The following UROC1 variants were observed in gnomAD, a reference collection of about 807,000 sequenced individuals.
UROC1 encodes the protein urocanate hydratase 1, also known as urocanate hydratase.
UROC1 carries 79 observed loss-of-function variants against 89.5 expected under a neutral mutation model. That is an observed-to-expected ratio of 0.88 (90% CI 0.74 to 1.06). The LOEUF is 1.06. UROC1 is among the 50% of genes least tolerant of loss of function. UROC1 has a pLI of 0.00. For missense variants in UROC1, 885 were observed against 907.8 expected, an observed-to-expected ratio of 0.97 and a Z score of 0.32; for synonymous variants, 361 against 354.8, an observed-to-expected ratio of 1.02 and a Z score of -0.20.
chr3:126,487,948 C>A (rs1050375924), intron 18 of UROC1, among the ~76,000 whole-genome samples: 1 of 152,190 alleles, frequency 6.6e-6, no homozygotes, highest in Non-Finnish European at 1.5e-5. Flanking sequence ...CTTGCAGAGC[C>A]TAAGAGGCCC....
chr3:126,507,705 G>A (rs760510397), intron 6 of UROC1, 37 bp downstream of exon 6: 5 of 1,607,704 alleles, frequency 3.1e-6, no homozygotes, highest in Admixed American at 1.7e-5. Context: ...TGGCTAACGG[G>A]GAAACACGGT....
Position 126,486,385 on chromosome 3 carries a change from T to C in UROC1, c.1790+1813A>G, listed in dbSNP as rs537556901. ...CAAGAACAAGAGCCTGGCTCTTGTC[T>C]TGATCTCTTGCACTCTGTGGCCCAG... On this transcript the variant is annotated intron_variant, in intron 18 of 19. Transcript: ENST00000290868. Among the ~76,000 whole-genome samples the C allele has an allele frequency of 5.8e-4, 88 of 152,372 alleles. 1 individual carries two copies. The South Asian group carries it at 0.017, about 30-fold the overall frequency.
At chr3:126,502,653 G>A (rs546806742) in intron 9 of UROC1, among the ~76,000 whole-genome samples, 14 of 151,638 alleles carry the variant, frequency 9.2e-5, no homozygotes, top group Non-Finnish European at 1.3e-4. Context: ...TGTGCACTCT[G>A]TGTGTGCCTG....
intron 8 of UROC1, among the ~76,000 whole-genome samples, 160 bp downstream of exon 8, chr3:126,505,541 A>T (rs1936033946): frequency 6.6e-6 from 1 of 151,120 alleles, no homozygotes; most frequent in Non-Finnish European, 1.5e-5. Context: ...GAACCCACCC[A>T]GTGAGGTCCA....
chr3:126,482,625 C>T lies in UROC1; in HGVS notation c.1891-140G>A, dbSNP rs573285207. 16 of 1,276,328 alleles carry T rather than the reference C, an allele frequency of 1.3e-5. No individual in the cohort carries two copies. The African/African-American group carries it at 1.8e-4, about 14-fold the overall frequency. The allele number at this position is 1,276,328 out of a possible 1,614,324, so 79.1% of individuals were successfully genotyped here. ...GACAGCTGCCCTTTTGTGTCTGCCC[C>T]ATTTCCACCCCCAGCTTAGGCTCCC... On this transcript the variant is annotated intron_variant, in intron 19 of 19. Coordinates refer to ENST00000290868, the MANE Select transcript of UROC1 (RefSeq NM_144639.3).
rs374748267 is a variant in UROC1, at chr3:126,504,101, G to A, written c.814-18C>T. 6.8e-6 allele frequency: 11 copies of A among 1,611,866 alleles called. No homozygotes were observed. Among genetic ancestry groups the A allele is most frequent in the Non-Finnish European group, 5.1e-6 (6 of 1,179,758 alleles). Reference sequence around the variant, plus strand: ...TTATCCACCTGGGGCCATGAGACATGGGGCCACGAGACATGGGGCCACCCG... The same window carrying A: ...TTATCCACCTGGGGCCATGAGACATAGGGCCACGAGACATGGGGCCACCCG... On this transcript the variant is annotated intron_variant, in intron 8 of 19. Transcript: ENST00000290868.
chr3:126,483,400 C>T lies in UROC1; in HGVS notation c.1859G>A (p.Arg620Lys). Reference protein sequence around the residue: ...DGTPEAEGRARLMLSWDVSNG... With the variant: ...DGTPEAEGRAKLMLSWDVSNG... Reference sequence around the variant, plus strand: ...GGAGACATCCCAGCTGAGCATCAGCCTGGCTCTCCCCTCGGCCTCCGGGGT... The same window carrying T: ...GGAGACATCCCAGCTGAGCATCAGCTTGGCTCTCCCCTCGGCCTCCGGGGT... Residue 620 changes from arginine to lysine, a missense_variant, in exon 19 of 20, where the codon AGG becomes AAG. Coordinates refer to ENST00000290868, the MANE Select transcript of UROC1 (RefSeq NM_144639.3). 1 of 1,613,680 alleles carries T rather than the reference C, an allele frequency of 6.2e-7. No individual in the cohort carries two copies.
chr3:126,492,432 A>C lies in UROC1; in HGVS notation c.1594T>G (p.Cys532Gly). Reference protein sequence around the residue: ...IAVAINQAIACRRIKAPVVLS... With the variant: ...IAVAINQAIAGRRIKAPVVLS... ...GGACACCTCACCTTGATCCTCCTGC[A>C]GGCGATGGCCTGGTTAATGGCCACA... Residue 532 changes from cysteine (C) to glycine (G), a missense_variant, in exon 16 of 20, where the codon TGC (cysteine) becomes GGC (glycine). Physicochemically the swap from Cys to Gly is radical, Grantham distance 159. Coordinates refer to ENST00000290868, the MANE Select transcript of UROC1 (RefSeq NM_144639.3). 1 of 1,613,676 alleles carries C rather than the reference A, an allele frequency of 6.2e-7. No homozygotes were observed. The highest frequency in any genetic ancestry group is 1.7e-5 in the Admixed American group (1 of 60,016).
chr3:126,501,732 G>A, intron 9 of UROC1: 1 of 1,537,576 alleles, frequency 6.5e-7, no homozygotes, highest in Non-Finnish European at 8.8e-7. Flanking sequence ...AGGTAGTAGA[G>A]ATATCAAAAA....
chr3:126,490,943 T>C (rs1375294798), intron 16 of UROC1, among the ~76,000 whole-genome samples: 1 of 152,194 alleles, frequency 6.6e-6, no homozygotes, highest in Non-Finnish European at 1.5e-5. Flanking sequence ...CAGGTAGCGC[T>C]GGTTGATGGG....
chr3:126,495,935 T>G, intron 15 of UROC1, 103 bp downstream of exon 15: 1 of 1,155,396 alleles, frequency 8.7e-7, no homozygotes, highest in South Asian at 1.3e-5. Context: ...CTTGGCAAGC[T>G]GGAGGCTGTG....
intron 3 of UROC1, among the ~76,000 whole-genome samples, chr3:126,508,996 C>G (rs567235178): frequency 6.6e-6 from 1 of 152,120 alleles, no homozygotes. Context: ...CATAGATACA[C>G]CCCTGATTTC....
At chr3:126,517,522 T>C (rs1936355123) in intron 1 of UROC1, 72 bp downstream of exon 1, 2 of 1,607,884 alleles carry the variant, frequency 1.2e-6, no homozygotes, top group Admixed American at 3.3e-5. Flanking sequence ...GCAGGAAGCC[T>C]GGGTGCTCAC....
At chr3:126,485,196 G>C (rs537966627) in intron 18 of UROC1, among the ~76,000 whole-genome samples, 2 of 152,376 alleles carry the variant, frequency 1.3e-5, no homozygotes, top group Admixed American at 1.3e-4. Flanking sequence ...TACATGAATA[G>C]TGTAGAAGGC....
At chr3:126,496,766 C>G (rs1935787051) in intron 14 of UROC1, among the ~76,000 whole-genome samples, 1 of 152,234 alleles carries the variant, frequency 6.6e-6, no homozygotes, top group Non-Finnish European at 1.5e-5. Context: ...TAAGCTTACA[C>G]TTTTACCAAA....
chr3:126,501,338 A>G (rs774969096), intron 9 of UROC1, 58 bp from the exon 10 acceptor site: 8 of 1,595,760 alleles, frequency 5.0e-6, no homozygotes, highest in Non-Finnish European at 6.9e-6. Context: ...GGTGCCCCAG[A>G]CACACCTGCA....
At chr3:126,484,936 G>C (rs1160702359) in intron 18 of UROC1, among the ~76,000 whole-genome samples, 5 of 152,182 alleles carry the variant, frequency 3.3e-5, no homozygotes. Flanking sequence ...TTTTGTTTTA[G>C]AAGCCTGCAT....
intron 15 of UROC1, among the ~76,000 whole-genome samples, chr3:126,493,333 C>T (rs944608830): frequency 6.6e-6 from 1 of 152,196 alleles, no homozygotes; most frequent in South Asian, 2.1e-4. Flanking sequence ...ACGTTCACAG[C>T]AGCATGACAA....
chr3:126,509,097 A>G lies in UROC1; in HGVS notation c.351+488T>C, dbSNP rs563199855. On this transcript the variant is annotated intron_variant, in intron 3 of 19. Coordinates refer to ENST00000290868, the MANE Select transcript of UROC1 (RefSeq NM_144639.3). ...AAATAATAATATTTTGGATCTGGGC[A>G]TGGTGGCGGGTGCCTGTAGTCCCAG... 1.8e-3 allele frequency among the ~76,000 whole-genome samples: 268 copies of G among 152,164 alleles called. 1 individual carries two copies. Among genetic ancestry groups the G allele is most frequent in the African/African-American group, 6.3e-3 (260 of 41,516 alleles).
Sources: gnomAD v4.1 joint callset for allele counts (sites outside exome capture counted in the v4.1 genomes callset) on GRCh38, gnomAD v4.1.1 for gene constraint, MANE v1.5 for transcripts, NCBI Gene and HGNC (gene_info 2026-07-23, HGNC 2026-07-21) for gene names.